KDM4C: variants seen among roughly 807,000 people sequenced by gnomAD.
KDM4C encodes lysine-specific demethylase 4C.
A neutral mutation model predicts 129.3 loss-of-function variants in KDM4C; 81 were observed. The observed-to-expected ratio is 0.63, with a 90% confidence interval of 0.52 to 0.75. The LOEUF (loss-of-function observed/expected upper bound fraction) is 0.75, where lower values mean the gene tolerates loss of function less well. Ranked by LOEUF, KDM4C falls within the 30% of genes least tolerant of loss-of-function variation. The pLI, the probability that KDM4C is intolerant of heterozygous loss-of-function variation, is 0.00. For missense variants in KDM4C, 1,457 were observed against 1,304.0 expected (o/e 1.12, Z -1.81); for synonymous variants, 573 against 456.1 (o/e 1.26, Z -3.26).
At chr9:6,782,660 TG>T (rs1236060752) in intron 1 of KDM4C, among the ~76,000 whole-genome samples, 1 of 151,952 alleles carries the variant, frequency 6.6e-6, no homozygotes, top group Non-Finnish European at 1.5e-5. Context: ...AGGTTTCAAG[TG>T]GGCAAAAGGG....
chr9:6,834,658 G>A (rs1835531277), intron 4 of KDM4C: 1 of 794,214 alleles, frequency 1.3e-6, no homozygotes, highest in African/African-American at 1.7e-5. Context: ...TGACCCTGAA[G>A]TGCCTCATCG....
At chr9:6,762,879 G>C (rs1014279017) in intron 1 of KDM4C, among the ~76,000 whole-genome samples, 7 of 151,838 alleles carry the variant, frequency 4.6e-5, no homozygotes, top group African/African-American at 1.7e-4. Flanking sequence ...GGCTGGGCTC[G>C]AATTCTTGAC....
chr9:6,983,085 C>G (rs750503526), intron 9 of KDM4C, among the ~76,000 whole-genome samples: 1 of 152,168 alleles, frequency 6.6e-6, no homozygotes, highest in Non-Finnish European at 1.5e-5. Flanking sequence ...TCAGCCAATG[C>G]ATGGATTTGC....
intron 18 of KDM4C, 101 bp from the exon 19 acceptor site, chr9:7,127,965 C>T (rs1038828819): frequency 7.4e-6 from 8 of 1,080,022 alleles, no homozygotes; most frequent in South Asian, 3.0e-5. Flanking sequence ...AAATCTTGGC[C>T]AAATAAATGA....
chr9:6,932,196 TG>T (rs1386266613), intron 8 of KDM4C, among the ~76,000 whole-genome samples: 1 of 152,194 alleles, frequency 6.6e-6, no homozygotes, highest in African/African-American at 2.4e-5. Context: ...CCAACAGGTG[TG>T]TAGCTCCACA....
At chr9:7,068,008 G>A (rs1267435587) in intron 17 of KDM4C, among the ~76,000 whole-genome samples, 1 of 152,136 alleles carries the variant, frequency 6.6e-6, no homozygotes, top group African/African-American at 2.4e-5. Flanking sequence ...ATTTTAGTCA[G>A]GATGGTCTCG....
At chr9:7,034,343 C>T (rs1339579389) in intron 15 of KDM4C, among the ~76,000 whole-genome samples, 1 of 152,162 alleles carries the variant, frequency 6.6e-6, no homozygotes, top group African/African-American at 2.4e-5. Flanking sequence ...TTTAACACAT[C>T]TCTCCCAATT....
At position 6,933,265 on chromosome 9, in the gene KDM4C, A is replaced by G. The variant is rs534768307; in HGVS notation, c.921+40033A>G. ...GAATCTGACAGGTAATTACATCTTCAGGTTCTAAGCCCCTTGGTTTTTTAA... is the reference window on the plus strand; with the variant it reads ...GAATCTGACAGGTAATTACATCTTCGGGTTCTAAGCCCCTTGGTTTTTTAA... On this transcript the variant is annotated intron_variant, in intron 8 of 21. Transcript: ENST00000381309. 5.9e-5 allele frequency among the ~76,000 whole-genome samples: 9 copies of G among 152,354 alleles called. No homozygotes were observed. In the South Asian group the frequency reaches 1.9e-3, roughly 32 times the overall value.
intron 8 of KDM4C, among the ~76,000 whole-genome samples, chr9:6,897,088 T>C (rs1193216593): frequency 1.3e-5 from 2 of 152,220 alleles, no homozygotes; most frequent in Non-Finnish European, 2.9e-5. Context: ...AGCTGAATTA[T>C]TGTATTTAGG....
intron 8 of KDM4C, chr9:6,978,810 G>A (rs1301915622): frequency 6.6e-6 from 1 of 152,186 alleles, no homozygotes; most frequent in Admixed American, 6.6e-5. Flanking sequence ...TACTTCATCT[G>A]TTTAGCAAGT....
chr9:6,842,075 C>A (rs1837032803), intron 4 of KDM4C, among the ~76,000 whole-genome samples: 1 of 152,178 alleles, frequency 6.6e-6, no homozygotes, highest in Non-Finnish European at 1.5e-5. Flanking sequence ...TGTATAGTCT[C>A]ACTCCAGTTA....
At chr9:6,788,987 G>A (rs1221209277) in intron 1 of KDM4C, among the ~76,000 whole-genome samples, 1 of 152,076 alleles carries the variant, frequency 6.6e-6, no homozygotes, top group East Asian at 1.9e-4. Flanking sequence ...AAAGTACAGT[G>A]CAGACAGTGA....
chr9:7,052,856 ACAC>A (rs1164961982), intron 17 of KDM4C, among the ~76,000 whole-genome samples: 2,028 of 50,082 alleles, frequency 0.04, 51 homozygotes, highest in African/African-American at 0.15. Flanking sequence ...AGCTCTGGCC[ACAC>A]CTGCAGAGAG....
chr9:7,015,908 C>T lies in KDM4C; in HGVS notation c.2238C>T (p.Cys746=). 1 of 1,612,406 alleles carries T rather than the reference C, an allele frequency of 6.2e-7. No individual in the cohort carries two copies. The highest frequency in any genetic ancestry group is 8.5e-7 in the Non-Finnish European group (1 of 1,178,816). Residue 746 remains cysteine (C), a synonymous_variant, in exon 15 of 22, where the codon TGC becomes TGT. Transcript: ENST00000381309. The stretch of plus-strand genomic sequence containing the variant: ...GTGATGGATGGCTGTGTGCCCGGTG[C>T]AAAAGAAATGCGTGGACAGCAGTAA... The part of the protein sequence containing the change: ...EICDGWLCAR[C]KRNAWTAECC...
intron 20 of KDM4C, among the ~76,000 whole-genome samples, chr9:7,169,316 G>T (rs1385707142): frequency 2.6e-5 from 4 of 152,046 alleles, no homozygotes; most frequent in African/African-American, 9.7e-5. Context: ...GTTTTGAAAT[G>T]TATTTTGTAT....
At chr9:6,830,975 G>A (rs1834713464) in intron 4 of KDM4C, among the ~76,000 whole-genome samples, 1 of 152,172 alleles carries the variant, frequency 6.6e-6, no homozygotes, top group African/African-American at 2.4e-5. Context: ...TATTTAAACT[G>A]GGATTTTCCA....
intron 15 of KDM4C, among the ~76,000 whole-genome samples, chr9:7,038,047 G>A (rs1253907248): frequency 6.6e-6 from 1 of 152,062 alleles, no homozygotes; most frequent in East Asian, 1.9e-4. Flanking sequence ...ATCACCGTAG[G>A]TTAGATTGGA....
At chr9:7,044,946 C>G (rs370570825) in intron 15 of KDM4C, among the ~76,000 whole-genome samples, 9 of 151,936 alleles carry the variant, frequency 5.9e-5, no homozygotes, top group Admixed American at 4.6e-4. Flanking sequence ...GGGAGAAAAT[C>G]TTTCAGGAAG....
At chr9:7,056,929 C>G (rs1830948937) in intron 17 of KDM4C, among the ~76,000 whole-genome samples, 1 of 152,200 alleles carries the variant, frequency 6.6e-6, no homozygotes, top group South Asian at 2.1e-4. Flanking sequence ...CCAACAAACA[C>G]ATGCCAAACC....
Sources: allele counts gnomAD v4.1 joint callset (sites outside exome capture counted in the v4.1 genomes callset), GRCh38; gene constraint gnomAD v4.1.1; transcripts MANE v1.5; gene names NCBI Gene and HGNC (gene_info 2026-07-23, HGNC 2026-07-21).